Variants in PDE5A observed in about 807,000 individuals in gnomAD.
PDE5A encodes cGMP-specific 3',5'-cyclic phosphodiesterase.
In PDE5A, 67 loss-of-function variants were observed where a neutral mutation model predicts 110.2. The observed-to-expected ratio is 0.61, with a 90% CI of 0.50 to 0.75. The LOEUF (loss-of-function observed/expected upper bound fraction) is 0.75. Ranked by LOEUF, PDE5A falls within the 30% of genes least tolerant of loss-of-function variation. The pLI is 0.00. For missense variants in PDE5A, 862 were observed against 1,045.1 expected, an observed-to-expected ratio of 0.82 and a Z score of 2.42; for synonymous variants, 328 against 351.2, an observed-to-expected ratio of 0.93 and a Z score of 0.74.
At chr4:119,583,134 T>A (rs935952711) in intron 3 of PDE5A, among the ~76,000 whole-genome samples, 1 of 152,216 alleles carries the variant, frequency 6.6e-6, no homozygotes, top group Non-Finnish European at 1.5e-5. Flanking sequence ...TTAGTCTACA[T>A]TGACAATCTG....
chr4:119,611,280 A>G (rs1382761747), intron 1 of PDE5A, among the ~76,000 whole-genome samples: 1 of 152,198 alleles, frequency 6.6e-6, no homozygotes, highest in Non-Finnish European at 1.5e-5. Flanking sequence ...CTCTGACTAG[A>G]TATTTCATTA....
chr4:119,622,292 CTT>C (rs1476954651), intron 1 of PDE5A, among the ~76,000 whole-genome samples: 3 of 152,118 alleles, frequency 2.0e-5, no homozygotes, highest in African/African-American at 7.2e-5. Flanking sequence ...GGTCTTCTCT[CTT>C]TGTATATTTT....
At chr4:119,584,399 C>G (rs967492498) in intron 3 of PDE5A, among the ~76,000 whole-genome samples, 3 of 152,190 alleles carry the variant, frequency 2.0e-5, no homozygotes, top group Non-Finnish European at 4.4e-5. Flanking sequence ...ACCTACAAAG[C>G]TAGAAAGTAT....
At chr4:119,572,277 A>G (rs1693774992) in intron 3 of PDE5A, among the ~76,000 whole-genome samples, 1 of 152,214 alleles carries the variant, frequency 6.6e-6, no homozygotes, top group Admixed American at 6.5e-5. Context: ...ACTTTGCATT[A>G]TTTTACATGT....
At chr4:119,589,828 G>A (rs1000735345) in intron 3 of PDE5A, among the ~76,000 whole-genome samples, 1 of 152,012 alleles carries the variant, frequency 6.6e-6, no homozygotes, top group Non-Finnish European at 1.5e-5. Context: ...TCTGCAGAGC[G>A]GTTTAAACAC....
chr4:119,619,819 G>C (rs1277241535), intron 1 of PDE5A, among the ~76,000 whole-genome samples: 1 of 152,176 alleles, frequency 6.6e-6, no homozygotes, highest in Non-Finnish European at 1.5e-5. Context: ...ATTTTACAGA[G>C]AGAGTAAATA....
chr4:119,526,572 G>A (rs1726327016), intron 11 of PDE5A, among the ~76,000 whole-genome samples: 1 of 152,094 alleles, frequency 6.6e-6, no homozygotes, highest in African/African-American at 2.4e-5. Flanking sequence ...GCCTTTACGT[G>A]GTTTGAAGTA....
chr4:119,606,956 ACAT>A lies in PDE5A; in HGVS notation c.491_493del (p.Asp164del). The A allele has an allele frequency of 6.2e-7, 1 of 1,614,224 alleles. No homozygotes were observed. Among genetic ancestry groups the A allele is most frequent in the Non-Finnish European group, 8.5e-7 (1 of 1,180,016 alleles). ...GAAAATTTTGTGACATAAGGCTGTGACATCCAAATGACTAGAAATATCCTTCAC... is the reference window on the plus strand; with the variant it reads ...GAAAATTTTGTGACATAAGGCTGTGACCAAATGACTAGAAATATCCTTCAC... On this transcript the variant is annotated inframe_deletion, in exon 2 of 21. Coordinates refer to ENST00000354960, the MANE Select transcript of PDE5A (RefSeq NM_001083.4).
intron 3 of PDE5A, among the ~76,000 whole-genome samples, chr4:119,574,179 C>CTTTTTTTT (rs70944893): frequency 1.2e-4 from 11 of 89,176 alleles, no homozygotes; most frequent in Admixed American, 1.7e-4. Context: ...AAAATATAGG[C>CTTTTTTTT]TTTTTTTTTT....
intron 5 of PDE5A, among the ~76,000 whole-genome samples, chr4:119,564,863 G>T (rs998274377): frequency 2.0e-5 from 3 of 152,084 alleles, no homozygotes; most frequent in Non-Finnish European, 4.4e-5. Context: ...AAAAGAAAAA[G>T]TCCAGATGGA....
At chr4:119,600,775 AAG>A (rs1729318278) in intron 2 of PDE5A, among the ~76,000 whole-genome samples, 2 of 152,192 alleles carry the variant, frequency 1.3e-5, no homozygotes, top group South Asian at 4.1e-4. Flanking sequence ...TAATAAATAT[AAG>A]AGGTATGATG....
At chr4:119,554,097 T>A (rs1230590032) in intron 7 of PDE5A, among the ~76,000 whole-genome samples, 3 of 152,158 alleles carry the variant, frequency 2.0e-5, no homozygotes, top group Admixed American at 6.6e-5. Context: ...TAAGGTCTAG[T>A]GCTTGTTTCA....
intron 3 of PDE5A, among the ~76,000 whole-genome samples, chr4:119,589,385 A>G (rs1728881669): frequency 6.6e-6 from 1 of 152,174 alleles, no homozygotes. Context: ...TGTCAGAACA[A>G]GCAATACTTC....
chr4:119,607,242 C>T lies in PDE5A; in HGVS notation c.208G>A (p.Glu70Lys), dbSNP rs202226125. 564 of 1,613,790 alleles carry T rather than the reference C, an allele frequency of 3.5e-4. 1 individual carries two copies. The highest frequency in any genetic ancestry group is 2.2e-4 in the South Asian group (20 of 91,086). ...GATTCGGTGTGGCCTCTGATACCTT[C>T]CTTGCACACAGGGATGGTGTGAACT... ...ERVHTIPVCKEGIRGHTESCS... is the reference protein window; with the variant it reads ...ERVHTIPVCKKGIRGHTESCS... The change falls in exon 2 of 21, where the codon GAA becomes AAA. Residue 70 changes from glutamate to lysine, a missense_variant. Physicochemically the swap from Glu to Lys is moderately conservative, Grantham distance 56. Transcript: ENST00000354960.
intron 14 of PDE5A, among the ~76,000 whole-genome samples, chr4:119,511,560 G>A (rs1186572618): frequency 6.6e-6 from 1 of 152,050 alleles, no homozygotes; most frequent in Non-Finnish European, 1.5e-5. Context: ...TCAGGCTGAA[G>A]GTCAGCTTAT....
At chr4:119,531,637 T>G (rs1251565130) in intron 11 of PDE5A, among the ~76,000 whole-genome samples, 1 of 152,074 alleles carries the variant, frequency 6.6e-6, no homozygotes, top group Non-Finnish European at 1.5e-5. Context: ...GCAAAAAGGC[T>G]TGGAACATCA....
chr4:119,549,673 T>C (rs957797336), intron 9 of PDE5A: 3 of 152,076 alleles, frequency 2.0e-5, no homozygotes, highest in African/African-American at 7.2e-5. Context: ...AAATATAATA[T>C]TGGAAAAAGG....
chr4:119,511,069 C>T lies in PDE5A; in HGVS notation c.2066G>A (p.Cys689Tyr). The T allele has an allele frequency of 6.2e-7, 1 of 1,604,412 alleles. No individual in the cohort carries two copies. Among genetic ancestry groups the T allele is most frequent in the Non-Finnish European group, 8.5e-7 (1 of 1,171,898 alleles). Residue 689 changes from cysteine to tyrosine, a missense_variant, in exon 15 of 21, where the codon TGC (cysteine) becomes TAC (tyrosine). Physicochemically the swap from Cys to Tyr is radical, Grantham distance 194. Transcript: ENST00000354960. ...SIMEHHHFDQ[C>Y]LMILNSPGNQ... ...TACTGGACTATTAAGAATCATCAGG[C>T]ACTGGTCAAAATGATGGTGTTCCAT...
chr4:119,503,094 T>C (rs1459500111), intron 18 of PDE5A, among the ~76,000 whole-genome samples: 2 of 152,140 alleles, frequency 1.3e-5, no homozygotes, highest in Non-Finnish European at 2.9e-5. Flanking sequence ...TAAGTGCTTA[T>C]GGCGTGTTGG....
Sources: gnomAD v4.1 joint callset for allele counts (sites outside exome capture counted in the v4.1 genomes callset) on GRCh38, gnomAD v4.1.1 for gene constraint, MANE v1.5 for transcripts, NCBI Gene and HGNC (gene_info 2026-07-23, HGNC 2026-07-21) for gene names.